FGD1: variants seen among roughly 807,000 people sequenced by gnomAD.
FGD1 encodes the protein FYVE, RhoGEF and PH domain-containing protein 1.
Under a neutral mutation model 65.0 loss-of-function variants are expected in FGD1, and 12 were observed. The ratio of observed to expected loss-of-function variants is 0.18; its 90% CI spans 0.12 to 0.30. FGD1 has a LOEUF of 0.30. Ranked by LOEUF, FGD1 falls within the 10% of genes least tolerant of loss-of-function variation. FGD1 has a pLI of 1.00. For missense variants in FGD1, 542 were observed against 837.6 expected (o/e 0.65, Z 4.36); for synonymous variants, 333 against 343.9 (o/e 0.97, Z 0.35).
Position 54,495,480 on chromosome X carries a change from C to G in FGD1, c.-48G>C. ...CCGAGCTCCCCGCTTGGCTCCAGCT[C>G]CTGGGGCGGAGGCGCGGGCGGAGGA... On this transcript the variant is annotated 5_prime_UTR_variant, in exon 1 of 18. Coordinates refer to ENST00000375135, the MANE Select transcript of FGD1 (RefSeq NM_004463.3). 2 of 891,408 alleles carry G rather than the reference C, an allele frequency of 2.2e-6. No individual in the cohort carries two copies. The highest frequency in any genetic ancestry group is 2.8e-6 in the Non-Finnish European group (2 of 715,296). The allele number at this position is 891,408 out of a possible 1,213,427, so 73.5% of individuals were successfully genotyped here. A position where few individuals can be genotyped will look rare whatever the true frequency, so the allele number is the denominator to read the frequency against.
In FGD1 at chrX:54,487,030, C is replaced by T. The variant is rs766982766; in HGVS notation, c.307+8096G>A. On this transcript the variant is annotated intron_variant, in intron 1 of 17. Transcript: ENST00000375135. ...GAAAACAACAACAACAACAAAACCA[C>T]AGTCTTGCTCTGTCACCCAGGCTGG... 8.6e-5 allele frequency among the ~76,000 whole-genome samples: 9 copies of T among 105,012 alleles called. No homozygotes were observed. In the South Asian group the frequency reaches 4.3e-3, roughly 50 times the overall value. 91.2% of individuals were successfully genotyped at this position (105,012 alleles called of 115,157 possible).
chrX:54,470,487 C>T, intron 3 of FGD1, 30 bp from the exon 4 acceptor site: 1 of 1,188,515 alleles, frequency 8.4e-7, no homozygotes, highest in Non-Finnish European at 1.1e-6. Flanking sequence ...CACATGGAAG[C>T]AGGGTATGAG....
chrX:54,448,814 T>C lies in FGD1; in HGVS notation c.2428A>G (p.Ile810Val), dbSNP rs1256474175. ...CAGGGGCTGGCTCTTACCTCCAGGA[T>C]GGACCTCCGGCGCTGGGGTGTATGC... is the stretch of plus-strand genomic sequence containing the variant. ...SQHTPQRRRS[I>V]LEKQASVAAE... is the part of the protein sequence containing the mutation. Residue 810 changes from isoleucine to valine, a missense_variant, in exon 16 of 18, where the codon ATC becomes GTC. By Grantham distance (29) the Ile-to-Val change is conservative (BLOSUM62 3). Coordinates refer to ENST00000375135, the MANE Select transcript of FGD1 (RefSeq NM_004463.3). The C allele has an allele frequency of 1.7e-6, 2 of 1,211,562 alleles. No homozygotes were observed. Among genetic ancestry groups the C allele is most frequent in the Non-Finnish European group, 2.2e-6 (2 of 895,498 alleles).
intron 1 of FGD1, among the ~76,000 whole-genome samples, chrX:54,488,269 CAAAAAAAAAAAAAAAAA>C (rs57920117): frequency 7.3e-4 from 4 of 5,464 alleles, no homozygotes; most frequent in East Asian, 0.011. Flanking sequence ...GACTCAGTCT[CAAAAAAAAAAAAAAAAA>C]AAAAAAAAAA....
At chrX:54,483,489 C>T (rs1015338953) in intron 1 of FGD1, among the ~76,000 whole-genome samples, 1 of 112,712 alleles carries the variant, frequency 8.9e-6, no homozygotes, top group East Asian at 2.8e-4. Flanking sequence ...CCCGCCTTTC[C>T]CGCTTTCCAC....
At chrX:54,489,371 C>A (rs746988374) in intron 1 of FGD1, among the ~76,000 whole-genome samples, 3 of 112,087 alleles carry the variant, frequency 2.7e-5, no homozygotes, top group African/African-American at 9.7e-5. Flanking sequence ...CACCTCAGGT[C>A]AGGAGTTCGA....
intron 1 of FGD1, among the ~76,000 whole-genome samples, chrX:54,487,945 G>A (rs371195970): frequency 1.1e-3 from 119 of 106,252 alleles, no homozygotes; most frequent in African/African-American, 3.6e-3. Context: ...GTGACACGCC[G>A]TCTGAAAAAA....
chrX:54,480,118 C>T (rs1475978682), intron 1 of FGD1, among the ~76,000 whole-genome samples: 1 of 112,964 alleles, frequency 8.9e-6, no homozygotes, highest in African/African-American at 3.2e-5. Flanking sequence ...AAGTCAGGAG[C>T]TTCCTAACTC....
chrX:54,475,624 T>C (rs943939001), intron 1 of FGD1, among the ~76,000 whole-genome samples: 1 of 111,591 alleles, frequency 9.0e-6, no homozygotes, highest in African/African-American at 3.3e-5. Context: ...TACATTTCCC[T>C]GTCTCCTATT....
At chrX:54,471,563 C>T (rs1922896401) in intron 1 of FGD1, 76 bp from the exon 2 acceptor site, 4 of 953,415 alleles carry the variant, frequency 4.2e-6, no homozygotes, top group South Asian at 2.2e-5. Flanking sequence ...TTAGGACTGG[C>T]ATGTCTTAGC....
intron 1 of FGD1, 125 bp from the exon 2 acceptor site, chrX:54,471,612 T>C (rs1485830802): frequency 2.0e-5 from 13 of 646,718 alleles, no homozygotes; most frequent in Non-Finnish European, 2.6e-5. Flanking sequence ...GCCCCTTTCC[T>C]GGCCACAGTG....
chrX:54,482,236 GCACACACACACA>G (rs759070309), intron 1 of FGD1, among the ~76,000 whole-genome samples: 1 of 99,390 alleles, frequency 1.0e-5, no homozygotes. Flanking sequence ...GCACACGCGC[GCACACACACACA>G]CACACACACA....
intron 12 of FGD1, 42 bp from the exon 13 acceptor site, chrX:54,450,343 G>A: frequency 8.4e-7 from 1 of 1,183,676 alleles, no homozygotes; most frequent in Non-Finnish European, 1.1e-6. Flanking sequence ...TGGTTAGGTA[G>A]GCCCACAAAA....
chrX:54,462,075 C>T (rs1398663992), intron 8 of FGD1, among the ~76,000 whole-genome samples: 1 of 110,700 alleles, frequency 9.0e-6, no homozygotes, highest in Admixed American at 9.7e-5. Context: ...ATAACTGGGA[C>T]CTCAGAATGG....
At position 54,470,685 on chromosome X, in the gene FGD1, C is replaced by T. The variant is rs1277307657; in HGVS notation, c.557G>A (p.Arg186His). ...CACTCGGGGGTCGGCAGGCAGTGGG[C>T]GTGATGGTGGAGGGGGGATGGGCTC... ...PLEPIPPPPS[R>H]PLPADPRVAK... Residue 186 changes from arginine to histidine, a missense_variant, in exon 3 of 18, where the codon CGC becomes CAC. Physicochemically the swap from Arg to His is conservative, Grantham distance 29 (BLOSUM62 0). Coordinates refer to ENST00000375135, the MANE Select transcript of FGD1 (RefSeq NM_004463.3). 5 of 608,221 alleles carry T rather than the reference C, an allele frequency of 8.2e-6. No individual in the cohort carries two copies. Among genetic ancestry groups the T allele is most frequent in the East Asian group, 7.4e-5 (1 of 13,534 alleles). The allele number at this position is 608,221 out of a possible 1,213,427, so 50.1% of individuals were successfully genotyped here.
At chrX:54,491,522 C>T (rs1423606225) in intron 1 of FGD1, among the ~76,000 whole-genome samples, 1 of 111,587 alleles carries the variant, frequency 9.0e-6, no homozygotes, top group Admixed American at 9.5e-5. Flanking sequence ...ATGGGGAGGC[C>T]GATGTATTCT....
At chrX:54,471,662 G>A (rs1449475505) in intron 1 of FGD1, among the ~76,000 whole-genome samples, 175 bp from the exon 2 acceptor site, 1 of 111,551 alleles carries the variant, frequency 9.0e-6, no homozygotes, top group Non-Finnish European at 1.9e-5. Context: ...CAGATGGAGA[G>A]CCAGACCCAG....
chrX:54,495,014 G>T (rs1350602547), intron 1 of FGD1, 112 bp downstream of exon 1: 4 of 835,233 alleles, frequency 4.8e-6, no homozygotes, highest in Non-Finnish European at 6.9e-6. Flanking sequence ...CCAAAGGGCC[G>T]AGGTAAGCGA....
At chrX:54,458,240 T>C (rs1922551052) in intron 8 of FGD1, among the ~76,000 whole-genome samples, 1 of 111,832 alleles carries the variant, frequency 8.9e-6, no homozygotes, top group South Asian at 3.7e-4. Context: ...CCTAGCCCTT[T>C]AGCCTGACAT....
Sources: allele counts gnomAD v4.1 joint callset (sites outside exome capture counted in the v4.1 genomes callset), GRCh38; gene constraint gnomAD v4.1.1; transcripts MANE v1.5; gene names NCBI Gene and HGNC (gene_info 2026-07-23, HGNC 2026-07-21).